COL12A1: variants seen among roughly 807,000 people sequenced by gnomAD.
The protein encoded by COL12A1 is collagen type XII alpha 1 chain, also known as collagen alpha-1(XII) chain.
A neutral mutation model predicts 349.7 loss-of-function variants in COL12A1; 114 were observed. That is an observed-to-expected ratio of 0.33 (90% CI 0.28 to 0.38). The LOEUF is 0.38. Among genes scored for constraint, COL12A1 ranks in the 10% least tolerant of loss-of-function variants. The pLI is 1.00. For missense variants in COL12A1, 3,284 were observed against 3,756.9 expected, an observed-to-expected ratio of 0.87 and a Z score of 3.29; for synonymous variants, 1,369 against 1,329.0, an observed-to-expected ratio of 1.03 and a Z score of -0.66.
chr6:75,097,248 C>A lies in COL12A1; in HGVS notation c.8577+5G>T. On this transcript the variant is annotated splice_donor_5th_base_variant and intron_variant, in intron 59 of 65. Coordinates refer to ENST00000322507, the MANE Select transcript of COL12A1 (RefSeq NM_004370.6). Reference sequence around the variant, plus strand: ...GCACAAAAATGAGACACATTTAGTTCTTACCGGCGGCCCTGGTGGGCCCCT... The same window carrying A: ...GCACAAAAATGAGACACATTTAGTTATTACCGGCGGCCCTGGTGGGCCCCT... 1 of 1,613,488 alleles carries A rather than the reference C, an allele frequency of 6.2e-7. No individual in the cohort carries two copies. The highest frequency in any genetic ancestry group is 1.1e-5 in the South Asian group (1 of 90,962).
At chr6:75,193,296 A>G (rs1405049068) in intron 3 of COL12A1, among the ~76,000 whole-genome samples, 1 of 152,166 alleles carries the variant, frequency 6.6e-6, no homozygotes, top group Non-Finnish European at 1.5e-5. Context: ...ATTTGGAATG[A>G]ATATGTTAAC....
At chr6:75,144,239 C>T (rs1217960385) in intron 25 of COL12A1, among the ~76,000 whole-genome samples, 1 of 152,168 alleles carries the variant, frequency 6.6e-6, no homozygotes, top group Non-Finnish European at 1.5e-5. Flanking sequence ...TCTCTCAGCA[C>T]TTTCAGAACA....
chr6:75,105,284 C>T lies in COL12A1; in HGVS notation c.8187G>A (p.Glu2729=), dbSNP rs755878621. Reference sequence around the variant, plus strand: ...AATTTGGAAAAGCAGGGCATTTTCCCTCATCTCTCTGAAATTTTGAAAAGA... The same window carrying T: ...AATTTGGAAAAGCAGGGCATTTTCCTTCATCTCTCTGAAATTTTGAAAAGA... ...RCCDIPSRRD[E]GKCPAFPNSC... Residue 2729 remains glutamate, a synonymous_variant, in exon 54 of 66, where the codon GAG becomes GAA. Coordinates refer to ENST00000322507, the MANE Select transcript of COL12A1 (RefSeq NM_004370.6). 3.1e-6 allele frequency: 5 copies of T among 1,613,152 alleles called. No individual in the cohort carries two copies. The African/African-American group carries it at 6.7e-5, about 22-fold the overall frequency.
At chr6:75,151,694 C>G (rs1462450107) in intron 20 of COL12A1, among the ~76,000 whole-genome samples, 173 bp downstream of exon 20, 1 of 151,460 alleles carries the variant, frequency 6.6e-6, no homozygotes, top group East Asian at 1.9e-4. Context: ...TAGTTTTGTC[C>G]CCAAAAAAAG....
At chr6:75,130,798 G>T (rs1766262060) in intron 36 of COL12A1, 54 bp downstream of exon 36, 12 of 1,605,478 alleles carry the variant, frequency 7.5e-6, no homozygotes, top group Non-Finnish European at 1.0e-5. Context: ...AATCAGAGAA[G>T]CCCTGCCAAT....
Position 75,123,357 on chromosome 6 carries a change from G to A in COL12A1, c.6919C>T (p.Pro2307Ser), listed in dbSNP as rs758186176. The A allele has an allele frequency of 9.3e-6, 15 of 1,607,864 alleles. No homozygotes were observed. The Admixed American group carries it at 2.2e-4, about 23-fold the overall frequency. ...TCCCGGGCTGGTGGAATGGTGGGAG[G>A]GGGAGGAGGTGTGGGTGGCTCTGTA... Reference protein sequence around the residue: ...APTEPPTPPPPPTIPPARDVC... With the variant: ...APTEPPTPPPSPTIPPARDVC... The change falls in exon 43 of 66, where the codon CCT (proline) becomes TCT (serine). Residue 2307 changes from proline to serine, a missense_variant. Physicochemically the swap from Pro to Ser is moderately conservative, Grantham distance 74. This residue lies in a region of COL12A1 where 2,601 missense variants were observed against 2,824.8 expected (regional missense o/e 0.92). Coordinates refer to ENST00000322507, the MANE Select transcript of COL12A1 (RefSeq NM_004370.6).
intron 13 of COL12A1, among the ~76,000 whole-genome samples, chr6:75,169,804 T>C (rs921934278): frequency 1.3e-5 from 2 of 152,234 alleles, no homozygotes; most frequent in East Asian, 1.9e-4. Flanking sequence ...CACTTTATTC[T>C]TCCTAGTATA....
intron 13 of COL12A1, among the ~76,000 whole-genome samples, chr6:75,172,977 G>T (rs1196705958): frequency 6.6e-6 from 1 of 152,188 alleles, no homozygotes; most frequent in African/African-American, 2.4e-5. Context: ...GGGGATTTTG[G>T]TATATGCAGG....
chr6:75,123,766 A>T (rs996699064), intron 42 of COL12A1, among the ~76,000 whole-genome samples, 182 bp downstream of exon 42: 2 of 152,162 alleles, frequency 1.3e-5, no homozygotes, highest in Admixed American at 1.3e-4. Flanking sequence ...ACAACTTGCA[A>T]ATTGCTACAG....
chr6:75,131,129 A>G (rs1766282165), intron 35 of COL12A1, 148 bp from the exon 36 acceptor site: 2 of 1,051,296 alleles, frequency 1.9e-6, no homozygotes, highest in South Asian at 3.4e-5. Flanking sequence ...ATCCACCCAG[A>G]CCATATCATT....
intron 27 of COL12A1, among the ~76,000 whole-genome samples, chr6:75,139,230 C>A (rs1048563403): frequency 6.6e-6 from 1 of 151,922 alleles, no homozygotes; most frequent in Admixed American, 6.6e-5. Context: ...AGAATCAAAT[C>A]AACACTATGG....
At chr6:75,182,095 CAAAA>C (rs66532054) in intron 10 of COL12A1, among the ~76,000 whole-genome samples, 10 of 103,036 alleles carry the variant, frequency 9.7e-5, no homozygotes, top group Non-Finnish European at 6.3e-5. Flanking sequence ...GACCCTGTCT[CAAAA>C]AAAAAAAAAA....
chr6:75,200,445 C>T (rs1770468808), intron 2 of COL12A1, among the ~76,000 whole-genome samples: 1 of 152,096 alleles, frequency 6.6e-6, no homozygotes, highest in African/African-American at 2.4e-5. Context: ...TGGTGGCAAA[C>T]CCCTGTAGTA....
intron 13 of COL12A1, among the ~76,000 whole-genome samples, chr6:75,168,731 C>G (rs989794450): frequency 9.2e-5 from 14 of 152,200 alleles, no homozygotes; most frequent in African/African-American, 3.1e-4. Context: ...CTTTCTACTT[C>G]TCCTCTCTGA....
In COL12A1 at chr6:75,123,419, T is replaced by C. The variant is rs1194845960; in HGVS notation, c.6872-15A>G. 2 of 1,535,836 alleles carry C rather than the reference T, an allele frequency of 1.3e-6. No homozygotes were observed. The highest frequency in any genetic ancestry group is 2.8e-5 in the African/African-American group (2 of 71,980). On this transcript the variant is annotated splice_polypyrimidine_tract_variant and intron_variant, in intron 42 of 65. Transcript: ENST00000322507. ...TGGTTTCACAGCTAAAATTTAAAAA[T>C]AATAATTATAAAAACACACCATGTG...
In COL12A1 at chr6:75,191,704, G is replaced by T; in HGVS notation, c.391C>A (p.Gln131Lys). Residue 131 changes from glutamine to lysine, a missense_variant, in exon 5 of 66, where the codon CAA (glutamine) becomes AAA (lysine). Around this residue, in one of 2 missense-constraint regions of COL12A1, gnomAD observed 2,601 missense variants for 2,824.8 expected, o/e 0.92. Coordinates refer to ENST00000322507, the MANE Select transcript of COL12A1 (RefSeq NM_004370.6). ...VEKKPGKTEI[Q>K]KCSVSAWTDL... The stretch of plus-strand genomic sequence containing the variant: ...AAATAGTAAGAGAAACACTCACTTT[G>T]TATCTCGGTTTTTCCAGGTTTCTTC... 1.9e-6 allele frequency: 3 copies of T among 1,594,804 alleles called. No homozygotes were observed. Among genetic ancestry groups the T allele is most frequent in the Admixed American group, 1.7e-5 (1 of 57,644 alleles).
At chr6:75,156,656 T>C in intron 14 of COL12A1, 133 bp from the exon 15 acceptor site, 1 of 866,216 alleles carries the variant, frequency 1.2e-6, no homozygotes, top group Non-Finnish European at 1.7e-6. Context: ...AGCATTGTAA[T>C]CTCTCATAAA....
At chr6:75,149,164 G>A (rs1231819750) in intron 21 of COL12A1, among the ~76,000 whole-genome samples, 1 of 152,030 alleles carries the variant, frequency 6.6e-6, no homozygotes, top group Non-Finnish European at 1.5e-5. Flanking sequence ...TAAGACCTCT[G>A]AATCACCTTT....
At chr6:75,142,643 G>A (rs1766958871) in intron 26 of COL12A1, among the ~76,000 whole-genome samples, 1 of 152,200 alleles carries the variant, frequency 6.6e-6, no homozygotes, top group South Asian at 2.1e-4. Flanking sequence ...TGAGTGCTTA[G>A]AGAAATGACT....
Sources: gnomAD v4.1 joint callset for allele counts (sites outside exome capture counted in the v4.1 genomes callset) on GRCh38, gnomAD v4.1.1 for gene constraint, gnomAD v4.1.1 regional missense constraint, MANE v1.5 for transcripts, NCBI Gene and HGNC (gene_info 2026-07-23, HGNC 2026-07-21) for gene names.